Variants in CSMD1 observed in about 807,000 individuals in gnomAD.
CSMD1 encodes CUB and Sushi multiple domains 1.
CSMD1 carries 213 observed loss-of-function variants against 417.5 expected under a neutral mutation model. The observed-to-expected ratio is 0.51, with a 90% CI of 0.46 to 0.57. CSMD1 has a LOEUF of 0.57. CSMD1 is among the 20% of genes least tolerant of loss of function. The pLI, the probability that CSMD1 is intolerant of heterozygous loss-of-function variation, is 0.00. For synonymous variants in CSMD1, 2,862 were observed against 1,736.8 expected, an observed-to-expected ratio of 1.65 and a Z score of -16.11; for missense variants, 6,923 against 4,529.7, an observed-to-expected ratio of 1.53 and a Z score of -15.17.
intron 7 of CSMD1, among the ~76,000 whole-genome samples, chr8:3,674,840 T>C (rs1033435344): frequency 1.3e-5 from 2 of 152,168 alleles, no homozygotes; most frequent in African/African-American, 4.8e-5. Context: ...CAGGGCACTT[T>C]GCAGTAAAGA....
In CSMD1 at chr8:4,831,468, A is replaced by G. The variant is rs146602167; in HGVS notation, c.85+162864T>C. Among the ~76,000 whole-genome samples, 640 of 152,370 alleles carry G rather than the reference A, an allele frequency of 4.2e-3. 5 individuals are homozygous for G. Among genetic ancestry groups the G allele is most frequent in the African/African-American group, 0.015 (610 of 41,588 alleles). Reference sequence around the variant, plus strand: ...GTACATTCTATGTGCCAAGCATTTTACACTATCATCTTAGAGTTTTGTCAA... The same window carrying G: ...GTACATTCTATGTGCCAAGCATTTTGCACTATCATCTTAGAGTTTTGTCAA... On this transcript the variant is annotated intron_variant, in intron 1 of 69. Coordinates refer to ENST00000635120, the MANE Select transcript of CSMD1 (RefSeq NM_033225.6).
chr8:4,728,125 C>A (rs1389310809), intron 1 of CSMD1, among the ~76,000 whole-genome samples: 1 of 146,336 alleles, frequency 6.8e-6, no homozygotes, highest in Non-Finnish European at 1.5e-5. Context: ...TATATTTAGA[C>A]ATAAGATCAT....
At chr8:4,553,418 GC>G (rs1797954737) in intron 2 of CSMD1, among the ~76,000 whole-genome samples, 1 of 151,134 alleles carries the variant, frequency 6.6e-6, no homozygotes, top group Admixed American at 6.6e-5. Context: ...CTCCTGACAG[GC>G]ATTTATAAAC....
intron 1 of CSMD1, among the ~76,000 whole-genome samples, chr8:4,692,999 C>T (rs1806873242): frequency 6.6e-6 from 1 of 152,154 alleles, no homozygotes; most frequent in African/African-American, 2.4e-5. Context: ...GAACAAAGCT[C>T]ATCATGGGAA....
chr8:3,865,980 A>C (rs1197084929), intron 5 of CSMD1, among the ~76,000 whole-genome samples: 1 of 152,212 alleles, frequency 6.6e-6, no homozygotes, highest in African/African-American at 2.4e-5. Context: ...AGTGAAAGGA[A>C]TTTCACCATC....
chr8:3,385,027 T>TAC (rs376117606), intron 18 of CSMD1, among the ~76,000 whole-genome samples: 12,404 of 116,694 alleles, frequency 0.11, 749 homozygotes, highest in Middle Eastern at 0.13. Flanking sequence ...AATATATAAA[T>TAC]ATAATATATA....
rs1327198362 is a variant in CSMD1, at chr8:4,680,987, A to AGT, written c.86-43430_86-43429insAC. ...GTGTGTGTGTGTGTGAGAGAGAGAG[A>AGT]GAGAGAGAGAGAGAGAATGAGAAAG... On this transcript the variant is annotated intron_variant, in intron 1 of 69. Coordinates refer to ENST00000635120, the MANE Select transcript of CSMD1 (RefSeq NM_033225.6). Among the ~76,000 whole-genome samples, 5 of 144,210 alleles carry AGT rather than the reference A, an allele frequency of 3.5e-5. No homozygotes were observed. The East Asian group carries it at 8.4e-4, about 24-fold the overall frequency. 94.6% of individuals were successfully genotyped at this position (144,210 alleles called of 152,430 possible).
intron 5 of CSMD1, among the ~76,000 whole-genome samples, chr8:3,834,682 C>T (rs150997554): frequency 1.4e-4 from 22 of 151,918 alleles, no homozygotes; most frequent in Non-Finnish European, 2.6e-4. Context: ...ATCCACAGAA[C>T]GTGTAGTTGG....
chr8:4,215,439 C>G (rs900798565), intron 3 of CSMD1, among the ~76,000 whole-genome samples: 3 of 152,020 alleles, frequency 2.0e-5, no homozygotes, highest in Non-Finnish European at 4.4e-5. Context: ...ACAAAAGACT[C>G]AATGCTTCCT....
chr8:4,806,624 C>T (rs1277022078), intron 1 of CSMD1, among the ~76,000 whole-genome samples: 2 of 152,164 alleles, frequency 1.3e-5, no homozygotes, highest in African/African-American at 2.4e-5. Flanking sequence ...CATCCAGAAA[C>T]AGTAATTAAA....
intron 51 of CSMD1, among the ~76,000 whole-genome samples, chr8:3,023,201 CA>C (rs1809586237): frequency 6.6e-6 from 1 of 152,186 alleles, no homozygotes; most frequent in South Asian, 2.1e-4. Context: ...TAACAAACAG[CA>C]GATCTTCAAA....
chr8:3,875,910 T>C (rs1805784937), intron 5 of CSMD1, among the ~76,000 whole-genome samples: 1 of 152,170 alleles, frequency 6.6e-6, no homozygotes, highest in Admixed American at 6.5e-5. Context: ...ATTTCCATGT[T>C]TCTCTTTATG....
chr8:4,591,401 G>C (rs915666954), intron 2 of CSMD1, among the ~76,000 whole-genome samples: 1 of 152,214 alleles, frequency 6.6e-6, no homozygotes, highest in African/African-American at 2.4e-5. Flanking sequence ...TCCAGGTGGA[G>C]AAGGGATGAA....
intron 5 of CSMD1, among the ~76,000 whole-genome samples, chr8:3,935,248 C>A (rs1452090265): frequency 6.6e-6 from 1 of 152,124 alleles, no homozygotes; most frequent in Non-Finnish European, 1.5e-5. Context: ...TGTAGAAGAA[C>A]AGAATCATTA....
intron 6 of CSMD1, among the ~76,000 whole-genome samples, chr8:3,738,635 G>T (rs1050755071): frequency 6.6e-6 from 1 of 152,188 alleles, no homozygotes; most frequent in Non-Finnish European, 1.5e-5. Context: ...GGGACCAAGA[G>T]AAGACATGCC....
At chr8:4,227,160 C>T (rs1222612412) in intron 3 of CSMD1, among the ~76,000 whole-genome samples, 2 of 152,078 alleles carry the variant, frequency 1.3e-5, no homozygotes, top group African/African-American at 4.8e-5. Flanking sequence ...ACTCAGGCTG[C>T]CTCTTTGCCT....
chr8:3,473,043 G>C (rs991934729), intron 11 of CSMD1, among the ~76,000 whole-genome samples: 1 of 151,934 alleles, frequency 6.6e-6, no homozygotes, highest in South Asian at 2.1e-4. Flanking sequence ...ATCTCCCCTA[G>C]ACATTCGACT....
At chr8:3,172,991 C>T (rs1410395384) in intron 37 of CSMD1, among the ~76,000 whole-genome samples, 1 of 152,250 alleles carries the variant, frequency 6.6e-6, no homozygotes, top group East Asian at 1.9e-4. Context: ...GTGGCTGTCC[C>T]AAGAAGTGAT....
intron 1 of CSMD1, among the ~76,000 whole-genome samples, chr8:4,849,973 CT>C (rs1281969781): frequency 7.2e-5 from 11 of 152,130 alleles, no homozygotes; most frequent in African/African-American, 2.2e-4. Flanking sequence ...TGTGGCTGAA[CT>C]TTTTTCCATT....
Sources: allele counts gnomAD v4.1 joint callset (sites outside exome capture counted in the v4.1 genomes callset), GRCh38; gene constraint gnomAD v4.1.1; transcripts MANE v1.5; gene names NCBI Gene and HGNC (gene_info 2026-07-23, HGNC 2026-07-21).